ZNF782: variants seen among roughly 807,000 people sequenced by gnomAD.
ZNF782 encodes zinc finger protein 782.
A neutral mutation model predicts 13.0 loss-of-function variants in ZNF782; 12 were observed. That is an observed-to-expected ratio of 0.92 (90% CI 0.59 to 1.50). The LOEUF is 1.50. ZNF782 is among the 40% of genes most tolerant of loss of function. ZNF782 has a pLI of 0.00. For missense variants in ZNF782, 770 were observed against 822.9 expected (o/e 0.94, Z 0.79); for synonymous variants, 284 against 283.0 (o/e 1.00, Z -0.04).
intron 4 of ZNF782, among the ~76,000 whole-genome samples, chr9:96,831,799 G>A (rs1002088326): frequency 4.6e-5 from 7 of 151,638 alleles, no homozygotes; most frequent in Non-Finnish European, 8.8e-5. Flanking sequence ...TCTGAAGTCT[G>A]TTTTATCTGA....
the ZNF782 span, among the ~76,000 whole-genome samples, chr9:96,911,738 T>C: frequency 5.4e-3 from 825 of 151,596 alleles, 2 homozygotes; most frequent in Non-Finnish European, 8.8e-3. Flanking sequence ...GCGAGGATGG[T>C]CTCCATCTCC....
At chr9:96,926,738 A>G in the ZNF782 span, among the ~76,000 whole-genome samples, 2 of 152,118 alleles carry the variant, frequency 1.3e-5, 1 homozygote, top group Non-Finnish European at 2.9e-5. Context: ...CTTGCAATCC[A>G]CTGCCTGCCC....
At chr9:96,848,744 C>T (rs1327156391) in intron 3 of ZNF782, among the ~76,000 whole-genome samples, 2 of 152,176 alleles carry the variant, frequency 1.3e-5, no homozygotes, top group Non-Finnish European at 2.9e-5. Context: ...TGAAAATGAC[C>T]ATTCTGCCCA....
the ZNF782 span, among the ~76,000 whole-genome samples, chr9:96,907,109 GA>G: frequency 6.6e-6 from 1 of 151,678 alleles, no homozygotes; most frequent in East Asian, 1.9e-4. Context: ...AAGGTAGAAG[GA>G]ACCCAAGTGT....
intron 1 of ZNF782, among the ~76,000 whole-genome samples, chr9:96,868,164 G>C (rs571519905): frequency 6.6e-6 from 1 of 152,292 alleles, no homozygotes; most frequent in African/African-American, 2.4e-5. Context: ...GTGCATTTTT[G>C]AAGATTATAC....
At chr9:96,834,414 A>AT (rs1442308391) in intron 4 of ZNF782, among the ~76,000 whole-genome samples, 1 of 152,132 alleles carries the variant, frequency 6.6e-6, no homozygotes, top group Non-Finnish European at 1.5e-5. Flanking sequence ...TCCTTTATAT[A>AT]TTACCCAGTC....
intron 5 of ZNF782, 93 bp downstream of exon 5, chr9:96,826,987 T>C (rs1017488553): frequency 1.3e-6 from 1 of 791,134 alleles, no homozygotes; most frequent in African/African-American, 1.8e-5. Context: ...TTTCAGTGTA[T>C]AAATTTTAAC....
the ZNF782 span, among the ~76,000 whole-genome samples, chr9:96,917,913 T>C: frequency 1.9e-4 from 29 of 150,328 alleles, no homozygotes; most frequent in East Asian, 9.8e-4. Context: ...TGTGTGTGTG[T>C]GTGTGTGTGT....
At chr9:96,855,878 G>A (rs1851635020), upstream of ZNF782, among the ~76,000 whole-genome samples, 1 of 152,222 alleles carries the variant, frequency 6.6e-6, no homozygotes, top group Non-Finnish European at 1.5e-5. Flanking sequence ...CACCGGCAGT[G>A]TAGAAGTTTT....
chr9:96,852,481 A>G (rs1210510889), intron 2 of ZNF782, among the ~76,000 whole-genome samples: 1 of 152,138 alleles, frequency 6.6e-6, no homozygotes. Flanking sequence ...CTCTACAGAA[A>G]ATAAAAACTT....
chr9:96,838,971 C>G (rs958404785), intron 4 of ZNF782, among the ~76,000 whole-genome samples: 2 of 152,098 alleles, frequency 1.3e-5, no homozygotes, highest in African/African-American at 4.8e-5. Context: ...ACCTCGGCCT[C>G]CCAAAGTGCT....
the ZNF782 span, among the ~76,000 whole-genome samples, chr9:96,911,722 G>A: frequency 3.3e-5 from 5 of 151,326 alleles, no homozygotes; most frequent in South Asian, 2.1e-4. Flanking sequence ...GGGTTTCACC[G>A]TGTTAGCGAG....
chr9:96,907,169 GAAT>G, the ZNF782 span, among the ~76,000 whole-genome samples: 4 of 151,868 alleles, frequency 2.6e-5, no homozygotes, highest in Non-Finnish European at 5.9e-5. Context: ...ACAAACGAGA[GAAT>G]ATTATTCAGT....
chr9:96,822,834 A>G (rs1004245273), intron 5 of ZNF782, among the ~76,000 whole-genome samples: 1 of 152,142 alleles, frequency 6.6e-6, no homozygotes, highest in African/African-American at 2.4e-5. Flanking sequence ...CTCTTTGATT[A>G]AATATGTTTT....
intron 4 of ZNF782, among the ~76,000 whole-genome samples, chr9:96,829,388 A>G (rs770089361): frequency 6.6e-6 from 1 of 152,168 alleles, no homozygotes; most frequent in Non-Finnish European, 1.5e-5. Flanking sequence ...GAAATTCTGC[A>G]TAATGATAAA....
At chr9:96,826,620 T>C (rs1850629788) in intron 5 of ZNF782, among the ~76,000 whole-genome samples, 1 of 152,348 alleles carries the variant, frequency 6.6e-6, no homozygotes, top group African/African-American at 2.4e-5. Flanking sequence ...ACTGCTACTC[T>C]TAGAAAGGCT....
At chr9:96,839,860 T>C (rs570372484) in intron 4 of ZNF782, among the ~76,000 whole-genome samples, 6 of 152,350 alleles carry the variant, frequency 3.9e-5, no homozygotes, top group Admixed American at 2.0e-4. Flanking sequence ...GTCCATTTTA[T>C]AGTTGCATAG....
rs147034872 is a variant in ZNF782 at position 96,875,121 on chromosome 9, T to C, written c.-457+347A>G. 7.9e-5 allele frequency among the ~76,000 whole-genome samples: 12 copies of C among 152,298 alleles called. 1 individual carries two copies. The highest frequency in any genetic ancestry group is 2.9e-4 in the African/African-American group (12 of 41,570). On this transcript the variant is annotated intron_variant, in intron 1 of 5. Transcript: ENST00000498811. ...GACAGCACCTGAGACCGGAAATAAA[T>C]CACACCTGCCCTTGAACCTAAATTT...
chr9:96,885,377 T>C, the ZNF782 span, among the ~76,000 whole-genome samples: 1 of 152,040 alleles, frequency 6.6e-6, no homozygotes, highest in African/African-American at 2.4e-5. Flanking sequence ...TGCTCAATAG[T>C]ATAGTGGACA....
Sources: allele counts gnomAD v4.1 joint callset (sites outside exome capture counted in the v4.1 genomes callset), GRCh38; gene constraint gnomAD v4.1.1; transcripts MANE v1.5; gene names NCBI Gene and HGNC (gene_info 2026-07-23, HGNC 2026-07-21).